ZNF385D: variants seen among roughly 807,000 people sequenced by gnomAD.
ZNF385D encodes zinc finger protein 385D.
ZNF385D carries 15 observed loss-of-function variants against 35.8 expected under a neutral mutation model. The ratio of observed to expected loss-of-function variants is 0.42; its 90% CI spans 0.28 to 0.64. The LOEUF is 0.64. Ranked by LOEUF, ZNF385D falls within the 30% of genes least tolerant of loss-of-function variation. ZNF385D has a pLI of 0.23. For missense variants in ZNF385D, 474 were observed against 494.6 expected, an observed-to-expected ratio of 0.96 and a Z score of 0.39; for synonymous variants, 212 against 186.8, an observed-to-expected ratio of 1.13 and a Z score of -1.10.
At chr3:22,283,788 TA>T (rs376001030) in intron 2 of ZNF385D, among the ~76,000 whole-genome samples, 115 of 152,286 alleles carry the variant, frequency 7.6e-4, no homozygotes, top group African/African-American at 2.7e-3. Flanking sequence ...TATCAAATTT[TA>T]TTTGGATTCC....
rs549427675 is a variant in ZNF385D at position 22,041,646 on chromosome 3, T to A, written c.325+127171A>T. ...TAGGCTCAGACTGAATTGATCAATG[T>A]ATATTGTTTACAGCAATAGTGGCAA... On this transcript the variant is annotated intron_variant, in intron 3 of 5. Coordinates refer to the ZNF385D transcript ENST00000494108. Among the ~76,000 whole-genome samples, 3 of 152,262 alleles carry A rather than the reference T, an allele frequency of 2.0e-5. No individual in the cohort carries two copies. The East Asian group carries it at 5.8e-4, about 29-fold the overall frequency.
At chr3:21,720,036 G>A (rs927675975) in intron 1 of ZNF385D, among the ~76,000 whole-genome samples, 41 of 152,074 alleles carry the variant, frequency 2.7e-4, no homozygotes, top group African/African-American at 8.0e-4. Context: ...ACTTAGCTGC[G>A]CACTAGAATC....
chr3:21,821,312 C>G (rs1017611054), intron 3 of ZNF385D, among the ~76,000 whole-genome samples: 1 of 151,984 alleles, frequency 6.6e-6, no homozygotes, highest in Non-Finnish European at 1.5e-5. Flanking sequence ...ATAAATTGTC[C>G]TTATCTCAAT....
intron 1 of ZNF385D, among the ~76,000 whole-genome samples, chr3:21,720,343 C>T (rs902744432): frequency 6.6e-6 from 1 of 152,172 alleles, no homozygotes; most frequent in Non-Finnish European, 1.5e-5. Context: ...CCCTCCAGCC[C>T]AGAAGTTCTA....
intron 2 of ZNF385D, among the ~76,000 whole-genome samples, chr3:22,213,449 T>C (rs895000016): frequency 6.6e-6 from 1 of 152,046 alleles, no homozygotes; most frequent in Admixed American, 6.6e-5. Flanking sequence ...GTGATTTACT[T>C]CTAGAAATAG....
chr3:22,258,269 T>A (rs1396499660), intron 2 of ZNF385D, among the ~76,000 whole-genome samples: 1 of 151,724 alleles, frequency 6.6e-6, no homozygotes, highest in Non-Finnish European at 1.5e-5. Context: ...TAACATTTAC[T>A]CAAAGAGAGG....
intron 3 of ZNF385D, among the ~76,000 whole-genome samples, chr3:22,001,211 AT>A (rs987801926): frequency 8.6e-5 from 13 of 151,964 alleles, no homozygotes; most frequent in African/African-American, 2.7e-4. Context: ...AGCTGAAAGG[AT>A]TTTTTTTAAG....
chr3:21,921,634 A>G (rs1238178852), intron 3 of ZNF385D, among the ~76,000 whole-genome samples: 1 of 152,146 alleles, frequency 6.6e-6, no homozygotes, highest in Non-Finnish European at 1.5e-5. Context: ...CACCTAAAAA[A>G]AGAGACATAA....
chr3:22,058,675 T>C (rs976966075), intron 3 of ZNF385D, among the ~76,000 whole-genome samples: 46 of 152,228 alleles, frequency 3.0e-4, no homozygotes, highest in Admixed American at 1.2e-3. Flanking sequence ...TTACCATTTG[T>C]TTTGTTTATA....
intron 3 of ZNF385D, among the ~76,000 whole-genome samples, chr3:21,811,282 A>T (rs749433970): frequency 3.3e-4 from 50 of 152,278 alleles, no homozygotes; most frequent in Non-Finnish European, 6.3e-4. Flanking sequence ...TGGTATTTAA[A>T]TAACATTTCC....
chr3:22,141,143 A>G (rs1374346650), intron 3 of ZNF385D, among the ~76,000 whole-genome samples: 1 of 152,226 alleles, frequency 6.6e-6, no homozygotes, highest in African/African-American at 2.4e-5. Flanking sequence ...AGAGAGGTTT[A>G]TACTGTTCCT....
At chr3:22,063,909 T>C (rs2125547240) in intron 3 of ZNF385D, among the ~76,000 whole-genome samples, 1 of 152,284 alleles carries the variant, frequency 6.6e-6, no homozygotes, top group South Asian at 2.1e-4. Context: ...GACACCTTGA[T>C]TTTCCATCTG....
intron 2 of ZNF385D, chr3:21,579,387 G>A (rs746258913): frequency 3.0e-4 from 45 of 152,128 alleles, no homozygotes; most frequent in Middle Eastern, 3.4e-3. Flanking sequence ...TAAAGGTAAG[G>A]ACAATATACT....
At chr3:22,296,257 C>T (rs532982781) in intron 2 of ZNF385D, among the ~76,000 whole-genome samples, 6 of 152,272 alleles carry the variant, frequency 3.9e-5, no homozygotes, top group African/African-American at 1.4e-4. Context: ...ACAGTTCAGG[C>T]AGGGCTTGGC....
At chr3:21,703,533 T>C (rs1421515211) in intron 1 of ZNF385D, among the ~76,000 whole-genome samples, 2 of 152,164 alleles carry the variant, frequency 1.3e-5, no homozygotes, top group African/African-American at 4.8e-5. Flanking sequence ...ATAACCCCTC[T>C]ATTAAAATGT....
chr3:22,208,823 C>G (rs1697328818), intron 2 of ZNF385D, among the ~76,000 whole-genome samples: 1 of 151,816 alleles, frequency 6.6e-6, no homozygotes. Flanking sequence ...AATTTACAAG[C>G]TGGCAAAACT....
At position 21,684,359 on chromosome 3, in the gene ZNF385D, T is replaced by TGTTCTCC. The variant is rs1420388983; in HGVS notation, c.23-19338_23-19332dup. 1.3e-4 allele frequency among the ~76,000 whole-genome samples: 14 copies of TGTTCTCC among 105,326 alleles called. 1 individual carries two copies. Among genetic ancestry groups the TGTTCTCC allele is most frequent in the African/African-American group, 5.3e-4 (14 of 26,260 alleles). 69.1% of individuals were successfully genotyped at this position (105,326 alleles called of 152,430 possible). A position where few individuals can be genotyped will look rare whatever the true frequency, so the allele number is the denominator to read the frequency against. On this transcript the variant is annotated intron_variant, in intron 1 of 7. Coordinates refer to ENST00000281523, the MANE Select transcript of ZNF385D (RefSeq NM_024697.3). ...CACACTAAAGCCATAAATGGTTAAC[T>TGTTCTCC]GTTCTCCTCTCTCTCTCTCTCTCTC...
At chr3:22,331,087 G>A (rs188083707) in intron 2 of ZNF385D, among the ~76,000 whole-genome samples, 49 of 152,264 alleles carry the variant, frequency 3.2e-4, no homozygotes, top group African/African-American at 1.2e-3. Context: ...GTTTATTGAC[G>A]TGTAAGTCCT....
chr3:22,070,750 G>C (rs1700189769), intron 3 of ZNF385D, among the ~76,000 whole-genome samples: 1 of 152,128 alleles, frequency 6.6e-6, no homozygotes, highest in Non-Finnish European at 1.5e-5. Context: ...TATATCCTGA[G>C]TTGTGAAAGT....
Sources: allele counts gnomAD v4.1 joint callset (sites outside exome capture counted in the v4.1 genomes callset), GRCh38; gene constraint gnomAD v4.1.1; transcripts MANE v1.5; gene names NCBI Gene and HGNC (gene_info 2026-07-23, HGNC 2026-07-21).